PPP3R1: variants seen among roughly 807,000 people sequenced by gnomAD.
The protein encoded by PPP3R1 is protein phosphatase 3 regulatory subunit B, alpha, also known as calcineurin subunit B type 1.
A neutral mutation model predicts 22.6 loss-of-function variants in PPP3R1; 5 were observed. The ratio of observed to expected loss-of-function variants is 0.22; its 90% CI spans 0.12 to 0.46. The LOEUF is 0.46. Among genes scored for constraint, PPP3R1 ranks in the 20% least tolerant of loss-of-function variants. PPP3R1 has a pLI of 0.99. For missense variants in PPP3R1, 61 were observed against 203.2 expected (o/e 0.30, Z 4.25); for synonymous variants, 56 against 65.2 (o/e 0.86, Z 0.68).
At chr2:68,194,014 T>A (rs1164765394) in intron 2 of PPP3R1, among the ~76,000 whole-genome samples, 1 of 152,158 alleles carries the variant, frequency 6.6e-6, no homozygotes, top group Non-Finnish European at 1.5e-5. Context: ...CTTTTTCATA[T>A]GTTTTGCCAG....
chr2:68,203,988 A>G (rs2103750048), intron 2 of PPP3R1, among the ~76,000 whole-genome samples: 1 of 152,332 alleles, frequency 6.6e-6, no homozygotes, highest in South Asian at 2.1e-4. Flanking sequence ...TTAGTCTACA[A>G]AACAGCCCTT....
intron 1 of PPP3R1, among the ~76,000 whole-genome samples, chr2:68,246,169 G>C (rs1348711049): frequency 6.8e-6 from 1 of 146,484 alleles, no homozygotes; most frequent in East Asian, 2.1e-4. Context: ...CCGCCTCCCG[G>C]GTTCAAGTGA....
chr2:68,200,419 G>A (rs1674951311), intron 2 of PPP3R1, among the ~76,000 whole-genome samples: 1 of 152,076 alleles, frequency 6.6e-6, no homozygotes, highest in Admixed American at 6.5e-5. Flanking sequence ...CACAAAAGAA[G>A]CTGAACATTT....
At chr2:68,238,734 G>A (rs1272630335) in intron 1 of PPP3R1, among the ~76,000 whole-genome samples, 2 of 152,124 alleles carry the variant, frequency 1.3e-5, no homozygotes, top group Non-Finnish European at 2.9e-5. Flanking sequence ...ATAAATGGTA[G>A]CACAATGATG....
intron 1 of PPP3R1, among the ~76,000 whole-genome samples, chr2:68,247,913 G>C (rs1190144449): frequency 6.6e-6 from 1 of 152,002 alleles, no homozygotes; most frequent in Admixed American, 6.6e-5. Context: ...CTCATGTCTA[G>C]ATTCATCTAT....
rs201906687 is a variant in PPP3R1, at chr2:68,218,620, TG to T, written c.4-1490del. On this transcript the variant is annotated intron_variant, in intron 1 of 5. Coordinates refer to ENST00000234310, the MANE Select transcript of PPP3R1 (RefSeq NM_000945.4). ...ATTCTTGCTGTCTTAATTTTTTTAATGTTTTTTTTTCCTTATTCCACTCCAC... is the reference window on the plus strand; with the variant it reads ...ATTCTTGCTGTCTTAATTTTTTTAATTTTTTTTTTCCTTATTCCACTCCAC... Among the ~76,000 whole-genome samples, 71 of 117,358 alleles carry T rather than the reference TG, an allele frequency of 6.0e-4. No individual in the cohort carries two copies. The East Asian group carries it at 1.0e-2, about 16-fold the overall frequency. The allele number at this position is 117,358 out of a possible 152,430, so 77.0% of individuals were successfully genotyped here. A position where few individuals can be genotyped will look rare whatever the true frequency, so the allele number is the denominator to read the frequency against.
chr2:68,251,718 C>G (rs747286894), intron 1 of PPP3R1, among the ~76,000 whole-genome samples: 7 of 152,016 alleles, frequency 4.6e-5, no homozygotes, highest in Non-Finnish European at 1.0e-4. Flanking sequence ...AGAATACCCT[C>G]GAACTCGAAA....
intron 2 of PPP3R1, among the ~76,000 whole-genome samples, chr2:68,192,546 C>G (rs1444432803): frequency 1.3e-5 from 2 of 152,166 alleles, no homozygotes; most frequent in Non-Finnish European, 2.9e-5. Flanking sequence ...AATTTAGGCA[C>G]TTAAAGGATT....
intron 2 of PPP3R1, among the ~76,000 whole-genome samples, chr2:68,207,988 T>G (rs761823106): frequency 1.3e-5 from 2 of 152,134 alleles, no homozygotes; most frequent in African/African-American, 4.8e-5. Flanking sequence ...AAACCTCATC[T>G]CTACTAAAAA....
intron 1 of PPP3R1, among the ~76,000 whole-genome samples, chr2:68,246,466 T>C (rs1360418544): frequency 6.6e-6 from 1 of 152,130 alleles, no homozygotes; most frequent in Non-Finnish European, 1.5e-5. Context: ...TAAAAAGCAA[T>C]CTAAATTCAA....
intron 2 of PPP3R1, among the ~76,000 whole-genome samples, chr2:68,209,483 G>A (rs1407473327): frequency 2.7e-5 from 4 of 150,404 alleles, no homozygotes; most frequent in African/African-American, 9.8e-5. Flanking sequence ...GCCAGGTACA[G>A]TAGCTCATGC....
At position 68,202,792 on chromosome 2, in the gene PPP3R1, A is replaced by ATTTTTTTTTTTTTTTT. The variant is rs71395958; in HGVS notation, c.44-14118_44-14103dup. ...TAATATATACTAGAGAGTTCAGGGAATTTTTTTTTTTTTTTTTTTTTTTTT... is the reference window on the plus strand; with the variant it reads ...TAATATATACTAGAGAGTTCAGGGAATTTTTTTTTTTTTTTTTTTTTTTTTTTTTTTTTTTTTTTTT... On this transcript the variant is annotated intron_variant, in intron 2 of 5. Coordinates refer to ENST00000234310, the MANE Select transcript of PPP3R1 (RefSeq NM_000945.4). Among the ~76,000 whole-genome samples, 13 of 81,214 alleles carry ATTTTTTTTTTTTTTTT rather than the reference A, an allele frequency of 1.6e-4. 1 individual carries two copies. Among genetic ancestry groups the ATTTTTTTTTTTTTTTT allele is most frequent in the African/African-American group, 7.4e-4 (12 of 16,168 alleles). The allele number at this position is 81,214 out of a possible 152,430, so 53.3% of individuals were successfully genotyped here.
intron 1 of PPP3R1, among the ~76,000 whole-genome samples, chr2:68,226,294 T>TA (rs1245752093): frequency 1.3e-5 from 2 of 152,188 alleles, no homozygotes; most frequent in Non-Finnish European, 2.9e-5. Context: ...ACTATGCACT[T>TA]AAAACTAGTT....
At chr2:68,206,975 C>A (rs1204181558) in intron 2 of PPP3R1, among the ~76,000 whole-genome samples, 2 of 151,992 alleles carry the variant, frequency 1.3e-5, no homozygotes, top group Non-Finnish European at 2.9e-5. Context: ...GAAGGCATGA[C>A]AGGAATTAAC....
chr2:68,182,409 G>C (rs1674433803), intron 5 of PPP3R1, among the ~76,000 whole-genome samples: 1 of 151,898 alleles, frequency 6.6e-6, no homozygotes, highest in Admixed American at 6.6e-5. Context: ...TTTACCTCCA[G>C]GTCTCTTAAG....
intron 2 of PPP3R1, among the ~76,000 whole-genome samples, chr2:68,199,531 T>C (rs1292138202): frequency 6.6e-6 from 1 of 152,228 alleles, no homozygotes; most frequent in African/African-American, 2.4e-5. Flanking sequence ...TCTTGTTTTC[T>C]TCCCCAATCT....
chr2:68,231,811 T>C (rs1485200631), intron 1 of PPP3R1, among the ~76,000 whole-genome samples: 1 of 152,118 alleles, frequency 6.6e-6, no homozygotes, highest in African/African-American at 2.4e-5. Flanking sequence ...TACTAATGAT[T>C]GCTTTTGCAC....
Position 68,204,361 on chromosome 2 carries a change from T to TATATTCTGATATATATAC in PPP3R1, c.43+12730_43+12731insGTATATATATCAGAATAT, listed in dbSNP as rs1553405736. 3.4e-3 allele frequency among the ~76,000 whole-genome samples: 519 copies of TATATTCTGATATATATAC among 151,242 alleles called. 3 individuals are homozygous for TATATTCTGATATATATAC. The highest frequency in any genetic ancestry group is 0.012 in the African/African-American group (501 of 41,202). On this transcript the variant is annotated intron_variant, in intron 2 of 5. Coordinates refer to ENST00000234310, the MANE Select transcript of PPP3R1 (RefSeq NM_000945.4). ...CTATATATATATATTCTGATATATA[T>TATATTCTGATATATATAC]ATATCAGAATACCTATGTCTTAGAC...
chr2:68,215,594 TCTGA>T (rs1331915168), intron 2 of PPP3R1, among the ~76,000 whole-genome samples: 1 of 152,166 alleles, frequency 6.6e-6, no homozygotes, highest in Non-Finnish European at 1.5e-5. Flanking sequence ...CATTAAGAAC[TCTGA>T]CTGCAAAGGG....
Sources: gnomAD v4.1 joint callset for allele counts (sites outside exome capture counted in the v4.1 genomes callset) on GRCh38, gnomAD v4.1.1 for gene constraint, MANE v1.5 for transcripts, NCBI Gene and HGNC (gene_info 2026-07-23, HGNC 2026-07-21) for gene names.